The following SNRNP200 variants were observed in gnomAD, a reference collection of about 807,000 sequenced individuals.
SNRNP200 encodes the protein U5 small nuclear ribonucleoprotein 200 kDa helicase.
SNRNP200 carries 66 observed loss-of-function variants against 255.2 expected under a neutral mutation model. The observed-to-expected ratio is 0.26, with a 90% CI of 0.21 to 0.32. SNRNP200 has a LOEUF of 0.32. Among genes scored for constraint, SNRNP200 ranks in the 10% least tolerant of loss-of-function variants. The probability of loss-of-function intolerance (pLI) is 1.00; values close to 1 mark genes in which losing one functional copy is unlikely to be tolerated. For synonymous variants in SNRNP200, 939 were observed against 1,027.8 expected (o/e 0.91, Z 1.65); for missense variants, 1,585 against 2,749.8 (o/e 0.58, Z 9.47).
Position 96,291,755 on chromosome 2 carries a change from C to A in SNRNP200, c.2306G>T (p.Cys769Phe). The A allele has an allele frequency of 6.2e-7, 1 of 1,614,120 alleles. No individual in the cohort carries two copies. Among genetic ancestry groups the A allele is most frequent in the Non-Finnish European group, 8.5e-7 (1 of 1,180,044 alleles). Residue 769 changes from cysteine to phenylalanine, a missense_variant, in exon 17 of 45, where the codon TGC becomes TTC. Physicochemically the swap from Cys to Phe is radical, Grantham distance 205. Coordinates refer to ENST00000323853, the MANE Select transcript of SNRNP200 (RefSeq NM_014014.5). This position sits in a 1 kb window ranked among gnomAD's most constrained non-coding sequence, Gnocchi z 4.2. ...ACCCAGCTGGCCCCTCCTCACCTTG[C>A]ACTGCTCAGCTTCTGTTCGCAGGAC... ...TEVLRTEAEQ[C>F]KNLELKDLLP...
At chr2:96,302,934 C>G (rs2063962054) in intron 3 of SNRNP200, among the ~76,000 whole-genome samples, 1 of 152,176 alleles carries the variant, frequency 6.6e-6, no homozygotes, top group Non-Finnish European at 1.5e-5. Flanking sequence ...TCCACAAACT[C>G]TCTAAACCTA....
At position 96,296,663 on chromosome 2, in the gene SNRNP200, A is replaced by T; in HGVS notation, c.1544T>A (p.Met515Lys). 6.2e-7 allele frequency: 1 copy of T among 1,614,178 alleles called. No homozygotes were observed. The highest frequency in any genetic ancestry group is 8.5e-7 in the Non-Finnish European group (1 of 1,180,022). Residue 515 changes from methionine to lysine, a missense_variant, in exon 13 of 45, where the codon ATG (methionine) becomes AAG (lysine). Physicochemically the swap from Met to Lys is moderately conservative, Grantham distance 95. Transcript: ENST00000323853. ...TGAGKTNVAL[M>K]CMLREIGKHI... The stretch of plus-strand genomic sequence containing the variant: ...TTTCCCAATCTCTCGGAGCATGCAC[A>T]TCAGGGCCACGTTGGTCTTCCCAGC...
Position 96,287,226 on chromosome 2 carries a change from A to C in SNRNP200, c.3485-66T>G. The C allele has an allele frequency of 1.3e-6, 2 of 1,592,382 alleles. No homozygotes were observed. Among genetic ancestry groups the C allele is most frequent in the Non-Finnish European group, 1.7e-6 (2 of 1,160,770 alleles). Reference sequence around the variant, plus strand: ...CCTACTATACTGCAAACTGGGCCTGAGGGCCACTGTGGGAAAGGGGTAGGG... The same window carrying C: ...CCTACTATACTGCAAACTGGGCCTGCGGGCCACTGTGGGAAAGGGGTAGGG... On this transcript the variant is annotated intron_variant, in intron 26 of 44. Transcript: ENST00000323853. This position sits in a 1 kb window ranked among gnomAD's most constrained non-coding sequence, Gnocchi z 5.7.
intron 34 of SNRNP200, 139 bp from the exon 35 acceptor site, chr2:96,282,061 C>T (rs1050454092): frequency 1.0e-5 from 7 of 677,944 alleles, no homozygotes; most frequent in Non-Finnish European, 1.9e-5. Context: ...CAAGGTCTAA[C>T]ATGAATGAGA....
At chr2:96,303,994 G>C (rs2063971194) in intron 2 of SNRNP200, among the ~76,000 whole-genome samples, 1 of 151,256 alleles carries the variant, frequency 6.6e-6, no homozygotes, top group Admixed American at 6.6e-5. Flanking sequence ...TCCCTTTCTA[G>C]CTAGAGAACC....
At chr2:96,289,415 T>G in intron 21 of SNRNP200, 36 bp from the exon 22 acceptor site, 1 of 1,611,032 alleles carries the variant, frequency 6.2e-7, no homozygotes, top group Non-Finnish European at 8.5e-7. Flanking sequence ...GTGCTGACTA[T>G]TAATGAGCTC....
chr2:96,299,331 T>C lies in SNRNP200; in HGVS notation c.727A>G (p.Asn243Asp), dbSNP rs1325587234. The change falls in exon 6 of 45, where the codon AAT becomes GAT. Residue 243 changes from asparagine to aspartate, a missense_variant and splice_region_variant. By Grantham distance (23) the Asn-to-Asp change is conservative. This residue lies in a region of SNRNP200 where 383 missense variants were observed against 645.3 expected (regional missense o/e 0.59). Coordinates refer to ENST00000323853, the MANE Select transcript of SNRNP200 (RefSeq NM_014014.5). ...EAVVRCTLSA[N>D]LVASGELMSS... ...GAGGAAGAGCAAACTGAACTTACAT[T>C]AGCCGAGAGGGTGCAGCGCACGACA... 1 of 1,613,864 alleles carries C rather than the reference T, an allele frequency of 6.2e-7. No individual in the cohort carries two copies. The highest frequency in any genetic ancestry group is 1.7e-5 in the Admixed American group (1 of 60,014).
rs889493627 is a variant in SNRNP200, at chr2:96,296,807, A to G, written c.1516-116T>C. The G allele has an allele frequency of 6.3e-5, 97 of 1,542,676 alleles. No individual in the cohort carries two copies. The African/African-American group carries it at 1.2e-3, about 20-fold the overall frequency. The stretch of plus-strand genomic sequence containing the variant: ...GAGCTTGTCCTGGGCACTTTATCCT[A>G]CTATTTAACCTCTCTTCCATCAAAG... On this transcript the variant is annotated intron_variant, in intron 12 of 44. Coordinates refer to ENST00000323853, the MANE Select transcript of SNRNP200 (RefSeq NM_014014.5).
At position 96,304,904 on chromosome 2, in the gene SNRNP200, G is replaced by C. The variant is rs1389371574; in HGVS notation, c.46-36C>G. ...CAAAACATTATTGAAGCTTTGACATGAGCAGGGCCAATTCCTACTATCATA... is the reference window on the plus strand; with the variant it reads ...CAAAACATTATTGAAGCTTTGACATCAGCAGGGCCAATTCCTACTATCATA... On this transcript the variant is annotated intron_variant, in intron 1 of 44. Transcript: ENST00000323853. 7 of 1,603,306 alleles carry C rather than the reference G, an allele frequency of 4.4e-6. No homozygotes were observed. The Admixed American group carries it at 8.6e-5, about 20-fold the overall frequency.
chr2:96,287,095 A>G lies in SNRNP200; in HGVS notation c.3550T>C (p.Leu1184=), dbSNP rs3171927. The G allele has an allele frequency of 0.31, 500,615 of 1,613,682 alleles. 87,001 individuals carry two copies. The highest frequency in any genetic ancestry group is 0.65 in the South Asian group (59,272 of 91,070). Residue 1184 remains leucine (L), a synonymous_variant, in exon 27 of 45, where the codon TTG becomes CTG. Coordinates refer to ENST00000323853, the MANE Select transcript of SNRNP200 (RefSeq NM_014014.5). The surrounding 1 kb of genome is among the most constrained non-coding windows in gnomAD (Gnocchi z 5.7). ...IHKYVHLFPK[L]ELSVHLQPIT... ...GGCTGCAGGTGCACTGACAACTCCA[A>G]CTTGGGAAACAGATGGACATATTTG...
Position 96,298,302 on chromosome 2 carries a change from C to T in SNRNP200, c.1101G>A (p.Glu367=). 1 of 1,614,230 alleles carries T rather than the reference C, an allele frequency of 6.2e-7. No individual in the cohort carries two copies. Among genetic ancestry groups the T allele is most frequent in the Non-Finnish European group, 8.5e-7 (1 of 1,180,048 alleles). ...TCCTTACTCGGATCAGATCCTCCTTCTCGGTTTCATGAAGCTGGTAGAGGA... is the reference window on the plus strand; with the variant it reads ...TCCTTACTCGGATCAGATCCTCCTTTTCGGTTTCATGAAGCTGGTAGAGGA... ...SKFLYQLHET[E]KEDLIREERS... is the part of the protein sequence containing the mutation. The change falls in exon 9 of 45, where the codon GAG becomes GAA. Residue 367 remains glutamate, a synonymous_variant. Transcript: ENST00000323853.
Position 96,297,634 on chromosome 2 carries a change from T to C in SNRNP200, c.1203+3A>G, listed in dbSNP as rs2063924982. On this transcript the variant is annotated splice_donor_region_variant and intron_variant, in intron 10 of 44. Transcript: ENST00000323853. ...CTGGGAAATAAATCGCCCTGGATCC[T>C]ACCTCTCCACCCTGGTCGAGATCCA... is the stretch of plus-strand genomic sequence containing the variant. 6.2e-7 allele frequency: 1 copy of C among 1,614,114 alleles called. No homozygotes were observed. The highest frequency in any genetic ancestry group is 8.5e-7 in the Non-Finnish European group (1 of 1,180,032).
At position 96,283,140 on chromosome 2, in the gene SNRNP200, A is replaced by T. The variant is rs774581526; in HGVS notation, c.4915+61T>A. ...GAAAACACTGCCACCCGCACCCCTCAAGTTTAACACCACCACTTGGTGATA... is the reference window on the plus strand; with the variant it reads ...GAAAACACTGCCACCCGCACCCCTCTAGTTTAACACCACCACTTGGTGATA... On this transcript the variant is annotated intron_variant, in intron 34 of 44. Transcript: ENST00000323853. This position sits in a 1 kb window ranked among gnomAD's most constrained non-coding sequence, Gnocchi z 4.7. 4 of 1,605,602 alleles carry T rather than the reference A, an allele frequency of 2.5e-6. No individual in the cohort carries two copies. In the South Asian group the frequency reaches 4.4e-5, roughly 18 times the overall value.
chr2:96,278,527 CGG>C lies in SNRNP200; in HGVS notation c.5488+18_5488+19del, dbSNP rs1684708869. ...TAAAAAGGCTCCCACAGACAGGACACGGGCCATGCCGGGCCTCACCAATGGTG... is the reference window on the plus strand; with the variant it reads ...TAAAAAGGCTCCCACAGACAGGACACGCCATGCCGGGCCTCACCAATGGTG... On this transcript the variant is annotated intron_variant, in intron 38 of 44. Transcript: ENST00000323853. This position sits in a 1 kb window ranked among gnomAD's most constrained non-coding sequence, Gnocchi z 6.9. 3.7e-6 allele frequency: 6 copies of C among 1,613,330 alleles called. No individual in the cohort carries two copies. The highest frequency in any genetic ancestry group is 1.3e-5 in the African/African-American group (1 of 74,906).
intron 24 of SNRNP200, 36 bp downstream of exon 24, chr2:96,288,627 C>T: frequency 6.4e-7 from 1 of 1,567,962 alleles, no homozygotes; most frequent in Non-Finnish European, 8.8e-7. Context: ...ACTGTTCAGG[C>T]CCCTTCTCAC....
intron 13 of SNRNP200, among the ~76,000 whole-genome samples, 183 bp from the exon 14 acceptor site, chr2:96,295,841 A>G (rs1486896008): frequency 6.6e-6 from 1 of 152,212 alleles, no homozygotes; most frequent in Non-Finnish European, 1.5e-5. Flanking sequence ...TCAGGCAAAT[A>G]AAGCAGACAA....
In SNRNP200 at chr2:96,287,617, C is replaced by T. The variant is rs2063851702; in HGVS notation, c.3366-60G>A. ...CTGCAGGGATGTGACAAACCACCCA[C>T]TTCATGGCTTCCAATAGTTTAGCAG... On this transcript the variant is annotated intron_variant, in intron 25 of 44. Coordinates refer to ENST00000323853, the MANE Select transcript of SNRNP200 (RefSeq NM_014014.5). The surrounding 1 kb of genome is among the most constrained non-coding windows in gnomAD (Gnocchi z 5.7). 8.1e-7 allele frequency: 1 copy of T among 1,230,790 alleles called. No homozygotes were observed. The highest frequency in any genetic ancestry group is 1.5e-5 in the African/African-American group (1 of 67,386). The allele number at this position is 1,230,790 out of a possible 1,614,324, so 76.2% of individuals were successfully genotyped here. A position where few individuals can be genotyped will look rare whatever the true frequency, so the allele number is the denominator to read the frequency against.
intron 43 of SNRNP200, among the ~76,000 whole-genome samples, chr2:96,275,801 G>T (rs1684645437): frequency 6.6e-6 from 1 of 152,264 alleles, no homozygotes; most frequent in Admixed American, 6.5e-5. Flanking sequence ...AGGAGATCGA[G>T]ACCATACTGG....
intron 24 of SNRNP200, among the ~76,000 whole-genome samples, chr2:96,288,269 G>A (rs1272471192): frequency 1.3e-5 from 2 of 152,140 alleles, no homozygotes; most frequent in African/African-American, 4.8e-5. Context: ...AAGAGTTGAG[G>A]GTACCAGTGA....
Sources: allele counts gnomAD v4.1 joint callset (sites outside exome capture counted in the v4.1 genomes callset), GRCh38; gene constraint gnomAD v4.1.1; regional missense constraint gnomAD v4.1.1; non-coding constraint Gnocchi (gnomAD v3.1); transcripts MANE v1.5; gene names NCBI Gene and HGNC (gene_info 2026-07-23, HGNC 2026-07-21).